Variants in BICRAL observed in about 807,000 individuals in gnomAD.
BICRAL encodes BRD4-interacting chromatin-remodeling complex-associated protein-like.
A neutral mutation model predicts 91.8 loss-of-function variants in BICRAL; 8 were observed. The ratio of observed to expected loss-of-function variants is 0.09; its 90% CI spans 0.05 to 0.16. The LOEUF is 0.16. Ranked by LOEUF, BICRAL falls within the 10% of genes least tolerant of loss-of-function variation. BICRAL has a pLI of 1.00. For synonymous variants in BICRAL, 445 were observed against 491.1 expected, an observed-to-expected ratio of 0.91 and a Z score of 1.24; for missense variants, 1,038 against 1,310.9, an observed-to-expected ratio of 0.79 and a Z score of 3.21.
At chr6:42,832,692 G>A (rs1324838799) in intron 6 of BICRAL, among the ~76,000 whole-genome samples, 2 of 150,570 alleles carry the variant, frequency 1.3e-5, no homozygotes, top group Non-Finnish European at 2.9e-5. Context: ...CAAGATTCCC[G>A]AAATCTTTTC....
chr6:42,822,732 T>G, intron 3 of BICRAL, 64 bp from the exon 4 acceptor site: 1 of 852,926 alleles, frequency 1.2e-6, no homozygotes, highest in Middle Eastern at 3.6e-4. Flanking sequence ...TAGTAAAAAT[T>G]AGTTCTAAAT....
At chr6:42,857,622 T>TATAA (rs1765421011) in intron 10 of BICRAL, among the ~76,000 whole-genome samples, 1 of 112,674 alleles carries the variant, frequency 8.9e-6, no homozygotes, top group Non-Finnish European at 1.8e-5. Flanking sequence ...AAAATATATA[T>TATAA]ATATATATAT....
intron 1 of BICRAL, among the ~76,000 whole-genome samples, chr6:42,750,877 CTTTTT>C (rs397886906): frequency 1.1e-5 from 1 of 90,722 alleles, no homozygotes; most frequent in Admixed American, 1.4e-4. Context: ...CGCGCCCGGC[CTTTTT>C]TTTTTTTTTT....
chr6:42,770,287 G>A (rs918807060), intron 1 of BICRAL, among the ~76,000 whole-genome samples: 1 of 152,094 alleles, frequency 6.6e-6, no homozygotes, highest in African/African-American at 2.4e-5. Context: ...GGAGTGCAGA[G>A]GCGTGATCTC....
At position 42,785,378 on chromosome 6, in the gene BICRAL, G is replaced by C. The variant is rs146552257; in HGVS notation, c.-102+3277G>C. Among the ~76,000 whole-genome samples, 454 of 152,008 alleles carry C rather than the reference G, an allele frequency of 3.0e-3. 2 individuals are homozygous for C. The highest frequency in any genetic ancestry group is 4.8e-3 in the Non-Finnish European group (324 of 67,960). ...GTTAGAGACCAGCCTGTCCAACGTGGTGAAACCCCGTCTGTACTAAAAATA... is the reference window on the plus strand; with the variant it reads ...GTTAGAGACCAGCCTGTCCAACGTGCTGAAACCCCGTCTGTACTAAAAATA... On this transcript the variant is annotated intron_variant, in intron 1 of 12. Coordinates refer to ENST00000314073, the MANE Select transcript of BICRAL (RefSeq NM_001393499.1).
At chr6:42,834,726 T>C (rs1296608290) in intron 6 of BICRAL, among the ~76,000 whole-genome samples, 1 of 152,196 alleles carries the variant, frequency 6.6e-6, no homozygotes, top group Non-Finnish European at 1.5e-5. Context: ...TGGGTGCCCC[T>C]CCAAATTGGC....
At chr6:42,848,313 G>A (rs1765082864) in intron 6 of BICRAL, among the ~76,000 whole-genome samples, 1 of 151,594 alleles carries the variant, frequency 6.6e-6, no homozygotes, top group Non-Finnish European at 1.5e-5. Flanking sequence ...ACTCCTGGAG[G>A]CTGAGGTGGG....
chr6:42,863,465 C>G (rs987539825), intron 12 of BICRAL, among the ~76,000 whole-genome samples: 1 of 152,158 alleles, frequency 6.6e-6, no homozygotes, highest in Admixed American at 6.6e-5. Context: ...TGAGTGTTGG[C>G]TATTCATTTT....
At chr6:42,810,796 T>TA (rs1763824903) in intron 2 of BICRAL, among the ~76,000 whole-genome samples, 1 of 152,224 alleles carries the variant, frequency 6.6e-6, no homozygotes, top group African/African-American at 2.4e-5. Flanking sequence ...GAATAATGAA[T>TA]ATTCTTTATG....
At position 42,857,600 on chromosome 6, in the gene BICRAL, TA is replaced by T. The variant is rs748078737; in HGVS notation, c.2254+379del. 1.1e-3 allele frequency among the ~76,000 whole-genome samples: 112 copies of T among 101,332 alleles called. 1 individual carries two copies. Among genetic ancestry groups the T allele is most frequent in the South Asian group, 5.7e-3 (19 of 3,312 alleles). The allele number at this position is 101,332 out of a possible 152,430, so 66.5% of individuals were successfully genotyped here. A position where few individuals can be genotyped will look rare whatever the true frequency, so the allele number is the denominator to read the frequency against. Reference sequence around the variant, plus strand: ...GGCAACATAGGGAGACACTGTCTCTTAAAAAAAAAAAAAAATATATATATAT... The same window carrying T: ...GGCAACATAGGGAGACACTGTCTCTTAAAAAAAAAAAAAATATATATATAT... On this transcript the variant is annotated intron_variant, in intron 10 of 12. Coordinates refer to ENST00000314073, the MANE Select transcript of BICRAL (RefSeq NM_001393499.1).
At chr6:42,796,231 C>T (rs768325039) in intron 1 of BICRAL, among the ~76,000 whole-genome samples, 7 of 152,140 alleles carry the variant, frequency 4.6e-5, no homozygotes, top group East Asian at 1.9e-4. Flanking sequence ...GATAGGAAGA[C>T]GGGGAGTGCT....
intron 7 of BICRAL, chr6:42,852,611 GAGAT>G: frequency 8.9e-6 from 3 of 338,236 alleles, no homozygotes; most frequent in South Asian, 6.8e-5. Context: ...GCAGTGAGCT[GAGAT>G]CACACCACTG....
At chr6:42,787,180 G>T (rs759469831) in intron 1 of BICRAL, among the ~76,000 whole-genome samples, 18 of 152,146 alleles carry the variant, frequency 1.2e-4, no homozygotes, top group Admixed American at 3.3e-4. Flanking sequence ...TAATGGGTTG[G>T]CTGTGGAGGG....
Position 42,805,872 on chromosome 6 carries a change from G to T in BICRAL, c.-101-4434G>T, listed in dbSNP as rs985372756. Among the ~76,000 whole-genome samples the T allele has an allele frequency of 4.8e-4, 73 of 152,008 alleles. 2 individuals carry two copies. On this transcript the variant is annotated intron_variant, in intron 1 of 12. Transcript: ENST00000314073. ...AAAAAATTAGCCAGGTGTGCTGGCG[G>T]GCACCTGTAGTCCCAGCTACTTGGG...
At chr6:42,842,099 T>C (rs1562489147) in intron 6 of BICRAL, among the ~76,000 whole-genome samples, 2 of 152,246 alleles carry the variant, frequency 1.3e-5, no homozygotes. Context: ...TGAGGAACTC[T>C]AGCTGTGCAA....
At chr6:42,768,169 G>A (rs1251141711) in intron 1 of BICRAL, among the ~76,000 whole-genome samples, 1 of 152,156 alleles carries the variant, frequency 6.6e-6, no homozygotes, top group East Asian at 1.9e-4. Context: ...ATGAAATTGA[G>A]GTTACTCAAG....
chr6:42,830,689 C>T (rs1380935418), intron 6 of BICRAL, among the ~76,000 whole-genome samples: 3 of 152,314 alleles, frequency 2.0e-5, no homozygotes, highest in South Asian at 4.1e-4. Context: ...AATCATAGCT[C>T]ACTGCAACCT....
intron 6 of BICRAL, among the ~76,000 whole-genome samples, chr6:42,833,567 C>T (rs149870183): frequency 2.2e-3 from 336 of 152,222 alleles, no homozygotes; most frequent in African/African-American, 7.9e-3. Context: ...CCTGCCTCAG[C>T]CTCCCGAGTA....
chr6:42,810,368 T>C lies in BICRAL; in HGVS notation c.-39T>C, dbSNP rs1034905698. On this transcript the variant is annotated 5_prime_UTR_variant, in exon 2 of 13. Coordinates refer to ENST00000314073, the MANE Select transcript of BICRAL (RefSeq NM_001393499.1). Reference sequence around the variant, plus strand: ...TCACCTGAAGAAGCTTGGGAACTCCTGCCAAAAATTGTAGCACTTCTCACA... The same window carrying C: ...TCACCTGAAGAAGCTTGGGAACTCCCGCCAAAAATTGTAGCACTTCTCACA... 6 of 152,236 alleles carry C rather than the reference T, an allele frequency of 3.9e-5. No homozygotes were observed. Among genetic ancestry groups the C allele is most frequent in the Non-Finnish European group, 7.3e-5 (5 of 68,046 alleles). 9.4% of individuals were successfully genotyped at this position (152,236 alleles called of 1,614,324 possible). A position where few individuals can be genotyped will look rare whatever the true frequency, so the allele number is the denominator to read the frequency against.
Sources: allele counts gnomAD v4.1 joint callset (sites outside exome capture counted in the v4.1 genomes callset), GRCh38; gene constraint gnomAD v4.1.1; transcripts MANE v1.5; gene names NCBI Gene and HGNC (gene_info 2026-07-23, HGNC 2026-07-21).